The following SPAG9 variants were observed in gnomAD, a reference collection of about 807,000 sequenced individuals.
The protein encoded by SPAG9 is C-Jun-amino-terminal kinase-interacting protein 4.
A neutral mutation model predicts 166.5 loss-of-function variants in SPAG9; 35 were observed. The observed-to-expected ratio is 0.21, with a 90% confidence interval of 0.16 to 0.28. The LOEUF is 0.28. Ranked by LOEUF, SPAG9 falls within the 10% of genes least tolerant of loss-of-function variation. The pLI, the probability that SPAG9 is intolerant of heterozygous loss-of-function variation, is 1.00. For synonymous variants in SPAG9, 534 were observed against 565.5 expected, an observed-to-expected ratio of 0.94 and a Z score of 0.79; for missense variants, 1,235 against 1,603.3, an observed-to-expected ratio of 0.77 and a Z score of 3.92.
intron 23 of SPAG9, 70 bp from the exon 24 acceptor site, chr17:50,985,060 T>A: frequency 7.3e-7 from 1 of 1,377,188 alleles, no homozygotes; most frequent in Non-Finnish European, 1.0e-6. Context: ...GCTACTGAAC[T>A]AGTTCAAGGC....
Position 51,120,452 on chromosome 17 carries a change from G to T in SPAG9, c.205C>A (p.Gln69Lys). ...ENLDSVFAQD[Q>K]EHQVELELLR... ...AGCTCCAGCTCCACCTGGTGCTCCT[G>T]GTCCTGCGCGAACACCGAGTCCAGG... The change falls in exon 1 of 30, where the codon CAG becomes AAG. Residue 69 changes from glutamine (Q) to lysine (K), a missense_variant. Physicochemically the swap from Gln to Lys is moderately conservative, Grantham distance 53. Transcript: ENST00000262013. The surrounding 1 kb of genome is among the most constrained non-coding windows in gnomAD (Gnocchi z 4.7). 6.2e-7 allele frequency: 1 copy of T among 1,613,836 alleles called. No homozygotes were observed. Among genetic ancestry groups the T allele is most frequent in the Non-Finnish European group, 8.5e-7 (1 of 1,179,864 alleles).
intron 19 of SPAG9, among the ~76,000 whole-genome samples, chr17:50,991,148 C>G (rs893732885): frequency 6.6e-6 from 1 of 151,702 alleles, no homozygotes; most frequent in Non-Finnish European, 1.5e-5. Context: ...CTCAAGGGAT[C>G]CACCAACCTC....
intron 16 of SPAG9, 108 bp downstream of exon 16, chr17:50,996,457 G>T: frequency 1.5e-6 from 2 of 1,296,484 alleles, no homozygotes; most frequent in Non-Finnish European, 2.2e-6. Context: ...AGTCCATGCG[G>T]CTGAGATGAG....
At chr17:50,995,386 A>T in intron 17 of SPAG9, 58 bp downstream of exon 17, 2 of 1,463,464 alleles carry the variant, frequency 1.4e-6, no homozygotes, top group Admixed American at 2.0e-5. Context: ...TTTTGGTTTT[A>T]GAAAAAAAAC....
chr17:51,107,669 G>A (rs1045249994), intron 1 of SPAG9, among the ~76,000 whole-genome samples: 3 of 151,466 alleles, frequency 2.0e-5, no homozygotes, highest in Non-Finnish European at 4.4e-5. Context: ...CCCGGGAGGT[G>A]GAGGTTGCAG....
Position 50,995,153 on chromosome 17 carries a change from A to G in SPAG9, c.2130T>C (p.Ser710=). The change falls in exon 18 of 30, where the codon AGT becomes AGC. Residue 710 remains serine (S), a synonymous_variant. Transcript: ENST00000262013. ...TRDGGSVVGA[S]VFYKDVAGLD... Reference sequence around the variant, plus strand: ...AACCAGCAACATCCTTGTAAAATACACTTGCTCCAACAACAGAACCACCAT... The same window carrying G: ...AACCAGCAACATCCTTGTAAAATACGCTTGCTCCAACAACAGAACCACCAT... 2 of 1,614,078 alleles carry G rather than the reference A, an allele frequency of 1.2e-6. No homozygotes were observed. The highest frequency in any genetic ancestry group is 1.3e-5 in the African/African-American group (1 of 75,050).
intron 1 of SPAG9, among the ~76,000 whole-genome samples, chr17:51,105,026 G>A (rs1327607624): frequency 6.6e-6 from 1 of 151,582 alleles, no homozygotes; most frequent in Non-Finnish European, 1.5e-5. Context: ...AACTGGGGAG[G>A]CAGAGCTTGC....
rs1270039713 is a variant in SPAG9 at position 51,120,629 on chromosome 17, G to A, written c.28C>T (p.Gln10Ter). The A allele has an allele frequency of 2.5e-6, 4 of 1,610,452 alleles. No homozygotes were observed. Among genetic ancestry groups the A allele is most frequent in the Non-Finnish European group, 3.4e-6 (4 of 1,178,784 alleles). The change falls in exon 1 of 30, where the codon CAG becomes TAG. Residue 10 changes from glutamine to a stop codon, truncating the protein, a stop_gained. Transcript: ENST00000262013. LOFTEE classifies it high-confidence loss of function. The surrounding 1 kb of genome is among the most constrained non-coding windows in gnomAD (Gnocchi z 4.7). MELEDGVVY[Q>*]EEPGGSGAVM... is the part of the protein sequence containing the mutation. ...GCCCCGGAGCCGCCGGGCTCCTCCTGATACACCACACCGTCCTCCAGCTCC... is the reference window on the plus strand; with the variant it reads ...GCCCCGGAGCCGCCGGGCTCCTCCTAATACACCACACCGTCCTCCAGCTCC...
chr17:51,065,958 A>G (rs2047650664), intron 2 of SPAG9, among the ~76,000 whole-genome samples: 2 of 152,242 alleles, frequency 1.3e-5, no homozygotes, highest in Admixed American at 1.3e-4. Flanking sequence ...CGTAAGCAAG[A>G]AATAACATTT....
intron 1 of SPAG9, among the ~76,000 whole-genome samples, chr17:51,119,881 G>C (rs1041257939): frequency 1.3e-5 from 2 of 152,164 alleles, no homozygotes; most frequent in Non-Finnish European, 2.9e-5. Context: ...GACCGAAAGA[G>C]GGAGATCTCT....
intron 6 of SPAG9, among the ~76,000 whole-genome samples, chr17:51,021,995 C>T (rs1484968446): frequency 6.6e-6 from 1 of 151,868 alleles, no homozygotes; most frequent in East Asian, 1.9e-4. Context: ...TGGTGGCAGG[C>T]ACCTATGATC....
At chr17:51,113,336 A>AGT (rs1315626983) in intron 1 of SPAG9, among the ~76,000 whole-genome samples, 1 of 144,686 alleles carries the variant, frequency 6.9e-6, no homozygotes, top group African/African-American at 2.6e-5. Flanking sequence ...CTGGGCAACA[A>AGT]GTGTGAAATG....
intron 6 of SPAG9, among the ~76,000 whole-genome samples, chr17:51,029,284 T>C (rs542921326): frequency 6.6e-6 from 1 of 152,270 alleles, no homozygotes; most frequent in African/African-American, 2.4e-5. Context: ...TGAGATATCA[T>C]CACCTGGCCC....
At chr17:50,977,281 C>A (rs1323057377) in intron 26 of SPAG9, 60 bp from the exon 27 acceptor site, 7 of 1,043,426 alleles carry the variant, frequency 6.7e-6, no homozygotes, top group Non-Finnish European at 1.0e-5. Context: ...TTTTACATTC[C>A]AAGTTCCTTA....
chr17:50,976,707 A>G (rs1269180758), intron 27 of SPAG9: 1 of 153,670 alleles, frequency 6.5e-6, no homozygotes, highest in Admixed American at 6.5e-5. Flanking sequence ...AACTTCTTCC[A>G]CAACTTTTTT....
chr17:50,992,259 T>G (rs1445753860), intron 19 of SPAG9, among the ~76,000 whole-genome samples: 3 of 152,110 alleles, frequency 2.0e-5, no homozygotes, highest in African/African-American at 7.2e-5. Context: ...TCTAGATATC[T>G]CATATAAGCG....
Position 51,014,280 on chromosome 17 carries a change from C to T in SPAG9, c.1165G>A (p.Ala389Thr). Residue 389 changes from alanine (A) to threonine (T), a missense_variant, in exon 9 of 30, where the codon GCT becomes ACT. Transcript: ENST00000262013. Reference sequence around the variant, plus strand: ...ACATCTCCTATTAGGCCTGAGCCAGCTGAAGACAGTTCTTCAAAGAGAGAT... The same window carrying T: ...ACATCTCCTATTAGGCCTGAGCCAGTTGAAGACAGTTCTTCAAAGAGAGAT... Reference protein sequence around the residue: ...TESLFEELSSAGSGLIGDVDE... With the variant: ...TESLFEELSSTGSGLIGDVDE... 1 of 1,613,444 alleles carries T rather than the reference C, an allele frequency of 6.2e-7. No homozygotes were observed. The highest frequency in any genetic ancestry group is 1.1e-5 in the South Asian group (1 of 91,016).
At chr17:51,085,958 C>CT (rs1568073666) in intron 1 of SPAG9, among the ~76,000 whole-genome samples, 21 of 120,430 alleles carry the variant, frequency 1.7e-4, no homozygotes, top group South Asian at 5.1e-4. Context: ...TCTTGGAAAT[C>CT]ATTTTTTTTT....
At chr17:50,992,100 C>T (rs1389922481) in intron 19 of SPAG9, among the ~76,000 whole-genome samples, 1 of 151,726 alleles carries the variant, frequency 6.6e-6, no homozygotes, top group East Asian at 1.9e-4. Flanking sequence ...ATTGCCCAGA[C>T]TGGTCTCAAA....
Sources: gnomAD v4.1 joint callset for allele counts (sites outside exome capture counted in the v4.1 genomes callset) on GRCh38, gnomAD v4.1.1 for gene constraint, Gnocchi (gnomAD v3.1) non-coding constraint, MANE v1.5 for transcripts, NCBI Gene and HGNC (gene_info 2026-07-23, HGNC 2026-07-21) for gene names.